The following DEPDC7 variants were observed in gnomAD, a reference collection of about 807,000 sequenced individuals.
DEPDC7 encodes the protein DEP domain-containing protein 7.
Under a neutral mutation model 56.6 loss-of-function variants are expected in DEPDC7, and 41 were observed. The ratio of observed to expected loss-of-function variants is 0.72; its 90% CI spans 0.56 to 0.94. The LOEUF is 0.94. DEPDC7 is among the 40% of genes least tolerant of loss of function. DEPDC7 has a pLI of 0.00. For synonymous variants in DEPDC7, 185 were observed against 208.8 expected, an observed-to-expected ratio of 0.89 and a Z score of 0.98; for missense variants, 522 against 596.3, an observed-to-expected ratio of 0.88 and a Z score of 1.30.
chr11:33,018,949 C>T (rs1033165679), intron 1 of DEPDC7, among the ~76,000 whole-genome samples: 4 of 152,170 alleles, frequency 2.6e-5, no homozygotes, highest in Non-Finnish European at 5.9e-5. Context: ...TCATGATCCT[C>T]GCAATGAGTG....
intron 4 of DEPDC7, among the ~76,000 whole-genome samples, chr11:33,029,226 G>A (rs112983374): frequency 3.3e-5 from 5 of 151,382 alleles, no homozygotes; most frequent in African/African-American, 4.9e-5. Flanking sequence ...GGCCGGGTGC[G>A]GTGGCCCATG....
At position 33,025,664 on chromosome 11, in the gene DEPDC7, A is replaced by G. The variant is rs1853569170; in HGVS notation, c.79A>G (p.Ser27Gly). ...TATGATTTTTCTCCTTCTAGGTTTC[A>G]GTGTAGCTCAGAAGCCATTTGGAGC... ...HSPAHRPPGF[S>G]VAQKPFGATY... Residue 27 changes from serine to glycine, a missense_variant, in exon 2 of 9, where the codon AGT becomes GGT. By Grantham distance (56) the Ser-to-Gly change is moderately conservative (BLOSUM62 0). Transcript: ENST00000241051. The G allele has an allele frequency of 1.9e-6, 3 of 1,598,774 alleles. No individual in the cohort carries two copies. Among genetic ancestry groups the G allele is most frequent in the Non-Finnish European group, 2.6e-6 (3 of 1,168,862 alleles).
chr11:33,016,487 A>G, intron 1 of DEPDC7: 2 of 1,610,334 alleles, frequency 1.2e-6, no homozygotes, highest in Non-Finnish European at 1.7e-6. Flanking sequence ...TTTGTTCTCC[A>G]GACTGCTAGG....
At position 33,033,536 on chromosome 11, in the gene DEPDC7, G is replaced by A; in HGVS notation, c.*81G>A. On this transcript the variant is annotated 3_prime_UTR_variant, in exon 9 of 9. Coordinates refer to ENST00000241051, the MANE Select transcript of DEPDC7 (RefSeq NM_001077242.2). ...ATATCCAATCACATTTGTAAGCGTGGAAGCTCTAAATTTGAAACTGTACTT... is the reference window on the plus strand; with the variant it reads ...ATATCCAATCACATTTGTAAGCGTGAAAGCTCTAAATTTGAAACTGTACTT... 9.4e-7 allele frequency: 1 copy of A among 1,067,114 alleles called. No individual in the cohort carries two copies. The highest frequency in any genetic ancestry group is 1.3e-6 in the Non-Finnish European group (1 of 758,296). 66.1% of individuals were successfully genotyped at this position (1,067,114 alleles called of 1,614,324 possible).
At chr11:33,019,623 A>G (rs547296441) in intron 1 of DEPDC7, among the ~76,000 whole-genome samples, 304 of 152,274 alleles carry the variant, frequency 2.0e-3, no homozygotes, top group South Asian at 6.2e-3. Context: ...CCGAGATCAC[A>G]CCACTGCATT....
chr11:33,033,560 T>G lies in DEPDC7; in HGVS notation c.*105T>G. On this transcript the variant is annotated 3_prime_UTR_variant, in exon 9 of 9. Transcript: ENST00000241051. ...GGAAGCTCTAAATTTGAAACTGTAC[T>G]TAATAAAAATTTTTTTGTATAACTT... 1.2e-6 allele frequency: 1 copy of G among 835,884 alleles called. No individual in the cohort carries two copies. Among genetic ancestry groups the G allele is most frequent in the Non-Finnish European group, 1.8e-6 (1 of 562,552 alleles). 51.8% of individuals were successfully genotyped at this position (835,884 alleles called of 1,614,324 possible).
At chr11:33,019,613 C>T (rs1008110283) in intron 1 of DEPDC7, among the ~76,000 whole-genome samples, 1 of 151,812 alleles carries the variant, frequency 6.6e-6, no homozygotes, top group Non-Finnish European at 1.5e-5. Flanking sequence ...TTGCAGTGAG[C>T]CGAGATCACA....
Position 33,028,776 on chromosome 11 carries a change from G to C in DEPDC7, c.766G>C (p.Ala256Pro). 1.9e-6 allele frequency: 3 copies of C among 1,607,256 alleles called. No homozygotes were observed. Among genetic ancestry groups the C allele is most frequent in the Non-Finnish European group, 2.5e-6 (3 of 1,178,238 alleles). ...SNYLDRGILKAYSDSQEDEWL... is the reference protein window; with the variant it reads ...SNYLDRGILKPYSDSQEDEWL... ...CTATCTGGATCGAGGGATTCTCAAG[G>C]CTTATAGTGACTCTCAGTATGTGGA... Residue 256 changes from alanine (A) to proline (P), a missense_variant, in exon 4 of 9, where the codon GCT becomes CCT. Ala to Pro is a conservative substitution (Grantham distance 27). Coordinates refer to ENST00000241051, the MANE Select transcript of DEPDC7 (RefSeq NM_001077242.2).
At chr11:33,022,570 A>G (rs1229051316) in intron 1 of DEPDC7, among the ~76,000 whole-genome samples, 1 of 152,232 alleles carries the variant, frequency 6.6e-6, no homozygotes, top group Admixed American at 6.5e-5. Context: ...TTAGCTATTA[A>G]TAATAAAGAT....
chr11:33,031,650 T>C (rs2133668373), intron 5 of DEPDC7, 61 bp downstream of exon 5: 1 of 1,349,972 alleles, frequency 7.4e-7, no homozygotes, highest in East Asian at 2.3e-5. Flanking sequence ...AAAAAGTTAG[T>C]TCTCAAACTG....
At chr11:33,016,383 G>A in intron 1 of DEPDC7, 1 of 1,467,002 alleles carries the variant, frequency 6.8e-7, no homozygotes, top group South Asian at 1.4e-5. Flanking sequence ...TGACAAGTGT[G>A]GTATCTGGAA....
At chr11:33,031,294 A>C in intron 4 of DEPDC7, 84 bp from the exon 5 acceptor site, 1 of 947,336 alleles carries the variant, frequency 1.1e-6, no homozygotes, top group Non-Finnish European at 1.7e-6. Flanking sequence ...CTACTGAATT[A>C]GGTACCATGT....
chr11:33,024,312 A>G (rs944334245), intron 1 of DEPDC7, among the ~76,000 whole-genome samples: 1 of 152,214 alleles, frequency 6.6e-6, no homozygotes, highest in Non-Finnish European at 1.5e-5. Context: ...ATAAGCTCCT[A>G]TAGGGCAGGA....
chr11:33,025,719 C>T lies in DEPDC7; in HGVS notation c.134C>T (p.Thr45Ile), dbSNP rs1461496281. The T allele has an allele frequency of 6.2e-7, 1 of 1,614,172 alleles. No homozygotes were observed. Among genetic ancestry groups the T allele is most frequent in the Non-Finnish European group, 8.5e-7 (1 of 1,180,006 alleles). The change falls in exon 2 of 9, where the codon ACT becomes ATT. Residue 45 changes from threonine to isoleucine, a missense_variant. Coordinates refer to ENST00000241051, the MANE Select transcript of DEPDC7 (RefSeq NM_001077242.2). ...ATYVWSSIIN[T>I]LQTQVEVKKR... ...TATGTATGGAGCAGCATCATAAACA[C>T]TCTTCAAACACAAGTGGAAGTGAAA...
chr11:33,017,430 G>T (rs572456502), intron 1 of DEPDC7, among the ~76,000 whole-genome samples: 1 of 152,174 alleles, frequency 6.6e-6, no homozygotes. Flanking sequence ...TTCTTAGATG[G>T]TGTAAGGAAG....
At position 33,032,495 on chromosome 11, in the gene DEPDC7, A is replaced by G; in HGVS notation, c.1137+17A>G. The G allele has an allele frequency of 1.3e-6, 2 of 1,548,318 alleles. No homozygotes were observed. Among genetic ancestry groups the G allele is most frequent in the Non-Finnish European group, 1.7e-6 (2 of 1,157,776 alleles). On this transcript the variant is annotated intron_variant, in intron 6 of 8. Coordinates refer to ENST00000241051, the MANE Select transcript of DEPDC7 (RefSeq NM_001077242.2). ...CAGAAAGAAGTAAGTCTTTTGTTTA[A>G]CTGTTAGTTGTATTTAATATCCTTA...
chr11:33,032,302 T>G, intron 5 of DEPDC7, 34 bp from the exon 6 acceptor site: 1 of 1,542,192 alleles, frequency 6.5e-7, no homozygotes, highest in Non-Finnish European at 8.7e-7. Context: ...TCATATTTGG[T>G]CAATTAAAAG....
chr11:33,016,334 C>T (rs2133654626), intron 1 of DEPDC7: 2 of 1,400,500 alleles, frequency 1.4e-6, no homozygotes, highest in Middle Eastern at 2.7e-4. Context: ...GCCAGGCACG[C>T]GCCGGGGAGC....
At chr11:33,020,274 T>G (rs1241837074) in intron 1 of DEPDC7, among the ~76,000 whole-genome samples, 1 of 152,216 alleles carries the variant, frequency 6.6e-6, no homozygotes, top group Non-Finnish European at 1.5e-5. Flanking sequence ...TACACGTATA[T>G]ATAAGTGTTC....
Sources: gnomAD v4.1 joint callset for allele counts (sites outside exome capture counted in the v4.1 genomes callset) on GRCh38, gnomAD v4.1.1 for gene constraint, MANE v1.5 for transcripts, NCBI Gene and HGNC (gene_info 2026-07-23, HGNC 2026-07-21) for gene names.